The following CYB5R3 variants were observed in gnomAD, a reference collection of about 807,000 sequenced individuals.
The protein encoded by CYB5R3 is NADH-cytochrome b5 reductase 3.
Under a neutral mutation model 36.5 loss-of-function variants are expected in CYB5R3, and 28 were observed. The ratio of observed to expected loss-of-function variants is 0.77; its 90% CI spans 0.57 to 1.05. The LOEUF is 1.05. Ranked by LOEUF, CYB5R3 falls within the 50% of genes least tolerant of loss-of-function variation. The probability of loss-of-function intolerance (pLI) is 0.00; values close to 1 mark genes in which losing one functional copy is unlikely to be tolerated. For synonymous variants in CYB5R3, 181 were observed against 159.8 expected (o/e 1.13, Z -1.00); for missense variants, 474 against 408.9 (o/e 1.16, Z -1.37).
intron 4 of CYB5R3, 138 bp from the exon 5 acceptor site, chr22:42,628,419 A>C (rs1601935194): frequency 1.9e-5 from 21 of 1,114,872 alleles, no homozygotes; most frequent in East Asian, 5.0e-5. Context: ...AGCCCCATCC[A>C]CCCAGCCGTC....
intron 8 of CYB5R3, among the ~76,000 whole-genome samples, chr22:42,620,728 G>T (rs148638061): frequency 3.7e-4 from 57 of 152,268 alleles, no homozygotes; most frequent in Middle Eastern, 6.8e-3. Flanking sequence ...AAGCAGTCCC[G>T]CTTGCCCTGG....
At chr22:42,638,573 G>A (rs1929035290) in intron 1 of CYB5R3, among the ~76,000 whole-genome samples, 1 of 146,764 alleles carries the variant, frequency 6.8e-6, no homozygotes, top group Admixed American at 6.8e-5. Flanking sequence ...CCTAAAAGTT[G>A]GTTAGAAAAC....
chr22:42,645,272 A>G (rs1220788847), intron 1 of CYB5R3, among the ~76,000 whole-genome samples: 1 of 152,054 alleles, frequency 6.6e-6, no homozygotes, highest in East Asian at 1.9e-4. Context: ...CACTCAACAA[A>G]TATTTGTGGA....
intron 7 of CYB5R3, 108 bp downstream of exon 7, chr22:42,627,196 C>A: frequency 1.0e-6 from 1 of 958,360 alleles, no homozygotes; most frequent in South Asian, 1.4e-5. Flanking sequence ...CCCGGTCATC[C>A]CCAGAATCTC....
intron 8 of CYB5R3, among the ~76,000 whole-genome samples, chr22:42,621,372 G>A (rs370340792): frequency 6.6e-6 from 1 of 152,120 alleles, no homozygotes; most frequent in Non-Finnish European, 1.5e-5. Flanking sequence ...GCATGCCACC[G>A]TGCATGGCTT....
chr22:42,647,831 A>T (rs1244748970), intron 1 of CYB5R3, among the ~76,000 whole-genome samples: 1 of 152,184 alleles, frequency 6.6e-6, no homozygotes, highest in African/African-American at 2.4e-5. Context: ...TGATCGCGCC[A>T]CTGCACTACT....
chr22:42,628,148 T>G lies in CYB5R3; in HGVS notation c.463+4A>C. On this transcript the variant is annotated splice_donor_region_variant and intron_variant, in intron 5 of 8. Transcript: ENST00000352397. The stretch of plus-strand genomic sequence containing the variant: ...TGTAACCAAGGGATTCCGACCCGAA[T>G]CACCTTTGCCCTGGTAGACCAGCAG... 2 of 1,613,922 alleles carry G rather than the reference T, an allele frequency of 1.2e-6. No individual in the cohort carries two copies. The highest frequency in any genetic ancestry group is 3.3e-4 in the Middle Eastern group (2 of 6,062).
intron 7 of CYB5R3, 90 bp downstream of exon 7, chr22:42,627,214 C>T (rs1928316020): frequency 3.8e-6 from 4 of 1,063,062 alleles, no homozygotes; most frequent in Non-Finnish European, 4.3e-6. Flanking sequence ...CTCAGCAGAG[C>T]TGTGCAGACC....
In CYB5R3 at chr22:42,619,749, T is replaced by C; in HGVS notation, c.*24A>G. The C allele has an allele frequency of 6.5e-7, 1 of 1,546,748 alleles. No individual in the cohort carries two copies. The highest frequency in any genetic ancestry group is 8.7e-7 in the Non-Finnish European group (1 of 1,149,822). ...CAGGGCGTGGGGTGCGCGGGGCGGGTGGCCGTGTGACCGTGCCCGGCCCTC... is the reference window on the plus strand; with the variant it reads ...CAGGGCGTGGGGTGCGCGGGGCGGGCGGCCGTGTGACCGTGCCCGGCCCTC... On this transcript the variant is annotated 3_prime_UTR_variant, in exon 9 of 9. Transcript: ENST00000352397.
At chr22:42,643,443 G>GC (rs1462338936) in intron 1 of CYB5R3, among the ~76,000 whole-genome samples, 5 of 64,546 alleles carry the variant, frequency 7.7e-5, no homozygotes, top group Admixed American at 3.5e-4. Flanking sequence ...CCTGGCCCCC[G>GC]CCCCCCCACC....
At chr22:42,645,993 G>T (rs1241024852) in intron 1 of CYB5R3, among the ~76,000 whole-genome samples, 1 of 152,154 alleles carries the variant, frequency 6.6e-6, no homozygotes, top group East Asian at 1.9e-4. Context: ...AGCAGTGGAG[G>T]GGCGAAGGTT....
At chr22:42,638,843 G>T (rs1929064936) in intron 1 of CYB5R3, among the ~76,000 whole-genome samples, 1 of 151,078 alleles carries the variant, frequency 6.6e-6, no homozygotes, top group Non-Finnish European at 1.5e-5. Context: ...GACCAGCCTG[G>T]CTAACATCGT....
At chr22:42,639,356 G>A (rs113647505) in intron 1 of CYB5R3, among the ~76,000 whole-genome samples, 74 of 148,798 alleles carry the variant, frequency 5.0e-4, no homozygotes, top group African/African-American at 1.8e-3. Flanking sequence ...GACCGGGCAC[G>A]GTGGCTCACG....
chr22:42,621,707 T>A (rs1446199920), intron 8 of CYB5R3, among the ~76,000 whole-genome samples: 2 of 152,168 alleles, frequency 1.3e-5, no homozygotes, highest in African/African-American at 4.8e-5. Context: ...CCACCAGGGG[T>A]CAGCACTGGC....
intron 1 of CYB5R3, 50 bp from the exon 2 acceptor site, chr22:42,636,896 A>G: frequency 6.3e-7 from 1 of 1,598,540 alleles, no homozygotes; most frequent in Non-Finnish European, 8.5e-7. Flanking sequence ...CCTTTCCCCA[A>G]ACACACCGGC....
intron 8 of CYB5R3, among the ~76,000 whole-genome samples, 170 bp from the exon 9 acceptor site, chr22:42,620,115 C>T (rs570313168): frequency 1.3e-5 from 2 of 152,348 alleles, no homozygotes; most frequent in Admixed American, 1.3e-4. Context: ...CCTATGGCCT[C>T]AGGCCCTGCA....
rs958841220 is a variant in CYB5R3, at chr22:42,619,415, G to A, written c.*358C>T. The A allele has an allele frequency of 1.0e-4, 28 of 278,734 alleles. No homozygotes were observed. Among genetic ancestry groups the A allele is most frequent in the African/African-American group, 6.4e-5 (3 of 46,654 alleles). The allele number at this position is 278,734 out of a possible 1,614,324, so 17.3% of individuals were successfully genotyped here. A position where few individuals can be genotyped will look rare whatever the true frequency, so the allele number is the denominator to read the frequency against. ...GCCCATGTGTGTCTGCTGACATCCC[G>A]ACTATGGTCCACGGCCGGGAATGGT... is the stretch of plus-strand genomic sequence containing the variant. On this transcript the variant is annotated 3_prime_UTR_variant, in exon 9 of 9. Transcript: ENST00000352397.
At chr22:42,626,204 G>A (rs1409195268) in intron 7 of CYB5R3, among the ~76,000 whole-genome samples, 2 of 152,180 alleles carry the variant, frequency 1.3e-5, no homozygotes, top group African/African-American at 4.8e-5. Context: ...CAGCTACTCG[G>A]GAGGCTGAGG....
intron 2 of CYB5R3, chr22:42,632,667 G>A (rs1457581809): frequency 6.6e-6 from 1 of 152,274 alleles, no homozygotes; most frequent in Non-Finnish European, 1.5e-5. Flanking sequence ...TGGATTCCAG[G>A]ACTATCAACT....
Sources: allele counts gnomAD v4.1 joint callset (sites outside exome capture counted in the v4.1 genomes callset), GRCh38; gene constraint gnomAD v4.1.1; transcripts MANE v1.5; gene names NCBI Gene and HGNC (gene_info 2026-07-23, HGNC 2026-07-21).